SLC2A13: variants seen among roughly 807,000 people sequenced by gnomAD.
SLC2A13 encodes proton myo-inositol cotransporter.
Under a neutral mutation model 64.4 loss-of-function variants are expected in SLC2A13, and 32 were observed. That is an observed-to-expected ratio of 0.50 (90% confidence interval 0.37 to 0.67). The LOEUF is 0.67. Among genes scored for constraint, SLC2A13 ranks in the 30% least tolerant of loss-of-function variants. The probability of loss-of-function intolerance (pLI) is 0.00; values close to 1 mark genes in which losing one functional copy is unlikely to be tolerated. For missense variants in SLC2A13, 743 were observed against 829.2 expected (o/e 0.90, Z 1.28); for synonymous variants, 338 against 327.1 (o/e 1.03, Z -0.36).
At chr12:40,028,785 T>C (rs1031023330) in intron 2 of SLC2A13, among the ~76,000 whole-genome samples, 3 of 152,250 alleles carry the variant, frequency 2.0e-5, no homozygotes, top group African/African-American at 7.2e-5. Context: ...TGTATACACA[T>C]TCTAACCCAA....
chr12:39,896,256 G>GTATACA (rs1944850523), intron 4 of SLC2A13, among the ~76,000 whole-genome samples: 1 of 88,844 alleles, frequency 1.1e-5, no homozygotes, highest in Non-Finnish European at 2.5e-5. Context: ...ATACATGTAT[G>GTATACA]TATATGTGTG....
At chr12:39,919,859 G>C (rs1945584916) in intron 4 of SLC2A13, among the ~76,000 whole-genome samples, 1 of 152,004 alleles carries the variant, frequency 6.6e-6, no homozygotes, top group African/African-American at 2.4e-5. Context: ...AGGTAGCTAG[G>C]AATAGGCTGA....
chr12:40,028,607 C>T, intron 2 of SLC2A13, 98 bp from the exon 3 acceptor site: 1 of 1,140,240 alleles, frequency 8.8e-7, no homozygotes, highest in Non-Finnish European at 1.2e-6. Context: ...ATAATACTTA[C>T]TGTGAAGTTA....
intron 7 of SLC2A13, among the ~76,000 whole-genome samples, chr12:39,782,345 G>A (rs965036754): frequency 8.6e-5 from 13 of 152,004 alleles, no homozygotes; most frequent in African/African-American, 3.1e-4. Flanking sequence ...TCATGGGGGC[G>A]GCCGGTCTTT....
At chr12:40,032,088 C>T (rs1348364149) in intron 2 of SLC2A13, among the ~76,000 whole-genome samples, 1 of 152,166 alleles carries the variant, frequency 6.6e-6, no homozygotes, top group Non-Finnish European at 1.5e-5. Flanking sequence ...TTCCAGGCCC[C>T]ACCCTTCCCC....
chr12:39,765,522 C>G (rs1467037904), intron 7 of SLC2A13, among the ~76,000 whole-genome samples: 1 of 152,024 alleles, frequency 6.6e-6, no homozygotes, highest in Non-Finnish European at 1.5e-5. Flanking sequence ...CAAAAACATT[C>G]CTATCCCCTA....
chr12:39,801,479 T>A (rs888841652), intron 7 of SLC2A13, among the ~76,000 whole-genome samples: 1 of 152,152 alleles, frequency 6.6e-6, no homozygotes, highest in African/African-American at 2.4e-5. Context: ...GCTGACCTCA[T>A]GACATAGTCT....
intron 3 of SLC2A13, among the ~76,000 whole-genome samples, chr12:39,972,862 G>C (rs1306864875): frequency 1.3e-5 from 2 of 152,154 alleles, no homozygotes; most frequent in Non-Finnish European, 2.9e-5. Context: ...GAGGTCGGGA[G>C]TTCGAGACCA....
intron 3 of SLC2A13, among the ~76,000 whole-genome samples, chr12:40,013,169 A>T (rs1219742745): frequency 6.7e-6 from 1 of 148,512 alleles, no homozygotes; most frequent in Non-Finnish European, 1.5e-5. Flanking sequence ...GTGGTCTTAC[A>T]AAATGATTTA....
intron 1 of SLC2A13, among the ~76,000 whole-genome samples, chr12:40,051,340 G>T (rs1008534563): frequency 3.3e-5 from 5 of 152,142 alleles, no homozygotes; most frequent in African/African-American, 1.2e-4. Context: ...CGGAATATGT[G>T]TGCAGATAAG....
chr12:39,809,956 C>T (rs574453279), intron 7 of SLC2A13, among the ~76,000 whole-genome samples: 11 of 152,132 alleles, frequency 7.2e-5, no homozygotes, highest in East Asian at 1.9e-4. Flanking sequence ...TGAATAGTGC[C>T]GCAATAAACA....
chr12:39,909,953 G>A (rs556367994), intron 4 of SLC2A13, among the ~76,000 whole-genome samples: 6 of 150,840 alleles, frequency 4.0e-5, no homozygotes, highest in South Asian at 2.1e-4. Flanking sequence ...TCCTAGTTCC[G>A]TGTTCCCAGG....
intron 7 of SLC2A13, among the ~76,000 whole-genome samples, chr12:39,792,947 C>G (rs1474180951): frequency 6.6e-6 from 1 of 152,148 alleles, no homozygotes; most frequent in Non-Finnish European, 1.5e-5. Flanking sequence ...AAGTTATGAA[C>G]TTTAAGTAGG....
At chr12:39,857,413 T>G (rs1943635437) in intron 6 of SLC2A13, among the ~76,000 whole-genome samples, 1 of 152,206 alleles carries the variant, frequency 6.6e-6, no homozygotes, top group African/African-American at 2.4e-5. Context: ...TTTTCCAGTT[T>G]CTAAAGCATT....
In SLC2A13 at chr12:39,764,469, T is replaced by C; in HGVS notation, c.1711A>G (p.Thr571Ala). 1 of 1,584,736 alleles carries C rather than the reference T, an allele frequency of 6.3e-7. No individual in the cohort carries two copies. Among genetic ancestry groups the C allele is most frequent in the Non-Finnish European group, 8.5e-7 (1 of 1,171,898 alleles). Residue 571 changes from threonine to alanine, a missense_variant, in exon 9 of 10, where the codon ACA becomes GCA. By Grantham distance (58) the Thr-to-Ala change is moderately conservative. This residue lies in a region of SLC2A13 where 295 missense variants were observed against 381.7 expected (regional missense o/e 0.77). Transcript: ENST00000280871. ...AAAAATATTATCTTACCATAGTATGTAAGATACTCTGCTGTGTGTAAAAAT... is the reference window on the plus strand; with the variant it reads ...AAAAATATTATCTTACCATAGTATGCAAGATACTCTGCTGTGTGTAAAAAT... ...LTFLHTAEYL[T>A]YYGAFFLYAG...
chr12:39,883,810 C>T (rs533967878), intron 4 of SLC2A13, among the ~76,000 whole-genome samples: 8 of 152,208 alleles, frequency 5.3e-5, no homozygotes, highest in South Asian at 2.1e-4. Context: ...TGAATCTCTA[C>T]GGAATCACAA....
intron 4 of SLC2A13, among the ~76,000 whole-genome samples, chr12:39,889,529 CT>C (rs56189217): frequency 0.021 from 2,571 of 119,822 alleles, 6 homozygotes; most frequent in Middle Eastern, 0.055. Flanking sequence ...GGTAAACAAC[CT>C]TTTTTTTTTT....
intron 1 of SLC2A13, among the ~76,000 whole-genome samples, chr12:40,081,747 ACT>A (rs1484558619): frequency 3.9e-5 from 6 of 151,978 alleles, no homozygotes; most frequent in Admixed American, 1.3e-4. Flanking sequence ...GTAAGATGAC[ACT>A]CTCTGGCTTT....
In SLC2A13 at chr12:39,843,603, A is replaced by G. The variant is rs73274650; in HGVS notation, c.1320-13375T>C. ...GCCAAGTGACTAGATGTGGCCATAC[A>G]ATGAGAGTATGAAATAATAGTTGTA... On this transcript the variant is annotated intron_variant, in intron 6 of 9. Coordinates refer to ENST00000280871, the MANE Select transcript of SLC2A13 (RefSeq NM_052885.4). Among the ~76,000 whole-genome samples the G allele has an allele frequency of 8.0e-3, 1,223 of 152,204 alleles. 16 individuals carry two copies. Among genetic ancestry groups the G allele is most frequent in the African/African-American group, 0.028 (1,166 of 41,554 alleles).
Sources: gnomAD v4.1 joint callset for allele counts (sites outside exome capture counted in the v4.1 genomes callset) on GRCh38, gnomAD v4.1.1 for gene constraint, gnomAD v4.1.1 regional missense constraint, MANE v1.5 for transcripts, NCBI Gene and HGNC (gene_info 2026-07-23, HGNC 2026-07-21) for gene names.